The following SLC35F3 variants were observed in gnomAD, a reference collection of about 807,000 sequenced individuals.
SLC35F3 encodes the protein solute carrier family 35 member F3.
SLC35F3 carries 25 observed loss-of-function variants against 49.9 expected under a neutral mutation model. That is an observed-to-expected ratio of 0.50 (90% CI 0.37 to 0.70). The LOEUF (loss-of-function observed/expected upper bound fraction) is 0.70, where lower values mean the gene tolerates loss of function less well. Ranked by LOEUF, SLC35F3 falls within the 30% of genes least tolerant of loss-of-function variation. The probability of loss-of-function intolerance (pLI) is 0.00; values close to 1 mark genes in which losing one functional copy is unlikely to be tolerated. For missense variants in SLC35F3, 525 were observed against 639.8 expected (o/e 0.82, Z 1.94); for synonymous variants, 275 against 265.4 (o/e 1.04, Z -0.35).
chr1:234,159,383 C>G (rs1431791464), intron 2 of SLC35F3, among the ~76,000 whole-genome samples: 1 of 151,994 alleles, frequency 6.6e-6, no homozygotes, highest in African/African-American at 2.4e-5. Context: ...TTGAGACCAG[C>G]CTGGCCAACA....
chr1:233,967,128 T>C (rs1008126195), intron 2 of SLC35F3, among the ~76,000 whole-genome samples: 1 of 152,228 alleles, frequency 6.6e-6, no homozygotes, highest in Non-Finnish European at 1.5e-5. Flanking sequence ...AAATATTGCT[T>C]GGGACATACT....
intron 3 of SLC35F3, among the ~76,000 whole-genome samples, chr1:234,284,821 A>G (rs1268463567): frequency 6.6e-6 from 1 of 152,202 alleles, no homozygotes; most frequent in Non-Finnish European, 1.5e-5. Flanking sequence ...TTGTAGAGAA[A>G]GGAGAGCAGA....
intron 2 of SLC35F3, among the ~76,000 whole-genome samples, chr1:234,166,008 A>G (rs1350060967): frequency 6.6e-6 from 1 of 152,142 alleles, no homozygotes; most frequent in Non-Finnish European, 1.5e-5. Flanking sequence ...GTTCCGTCCA[A>G]GTTGATGCAA....
intron 2 of SLC35F3, among the ~76,000 whole-genome samples, chr1:233,913,578 GCA>G (rs1661919616): frequency 6.6e-6 from 1 of 152,184 alleles, no homozygotes; most frequent in Admixed American, 6.5e-5. Context: ...CTTCCACAGT[GCA>G]CAGAGTATCT....
At chr1:234,172,149 CCTT>C (rs1314277696) in intron 2 of SLC35F3, among the ~76,000 whole-genome samples, 3 of 152,220 alleles carry the variant, frequency 2.0e-5, no homozygotes, top group Non-Finnish European at 4.4e-5. Flanking sequence ...CCCCACCTAA[CCTT>C]CTAGCTAGTC....
chr1:234,143,562 G>A (rs115159814), intron 2 of SLC35F3, among the ~76,000 whole-genome samples: 5,385 of 152,084 alleles, frequency 0.035, 311 homozygotes, highest in African/African-American at 0.12. Flanking sequence ...GGACTGCTGG[G>A]ATTACAGACA....
chr1:234,042,920 ACTT>A (rs1460190337), intron 2 of SLC35F3, among the ~76,000 whole-genome samples: 1 of 152,018 alleles, frequency 6.6e-6, no homozygotes, highest in Non-Finnish European at 1.5e-5. Context: ...CCCATTGAAA[ACTT>A]CTTAACTGTT....
chr1:234,142,116 G>A (rs1204069974), intron 2 of SLC35F3, among the ~76,000 whole-genome samples: 4 of 152,214 alleles, frequency 2.6e-5, no homozygotes, highest in Non-Finnish European at 5.9e-5. Context: ...CTAGAAGGCA[G>A]AGTAAAGAGA....
intron 2 of SLC35F3, among the ~76,000 whole-genome samples, chr1:233,978,527 C>T (rs746776897): frequency 9.9e-5 from 15 of 152,178 alleles, no homozygotes; most frequent in Non-Finnish European, 2.1e-4. Flanking sequence ...TGACAATAAA[C>T]AGCTGAAGTC....
At chr1:234,104,170 T>C (rs755789437) in intron 2 of SLC35F3, among the ~76,000 whole-genome samples, 14 of 152,224 alleles carry the variant, frequency 9.2e-5, no homozygotes, top group Non-Finnish European at 1.8e-4. Flanking sequence ...GAAGAAACCT[T>C]ATCCTAGGCT....
chr1:234,316,357 C>T (rs766829771), intron 4 of SLC35F3, among the ~76,000 whole-genome samples: 2 of 152,228 alleles, frequency 1.3e-5, no homozygotes, highest in Non-Finnish European at 2.9e-5. Flanking sequence ...CACCCATTCC[C>T]TGCTGCCAGC....
At chr1:233,932,638 A>G (rs974230330) in intron 2 of SLC35F3, among the ~76,000 whole-genome samples, 1 of 152,198 alleles carries the variant, frequency 6.6e-6, no homozygotes, top group Admixed American at 6.5e-5. Context: ...ACCACAATTT[A>G]AAAATCTCTT....
At chr1:234,232,519 CAAAAAAAAAAAAAAAAAAAAAG>C (rs1335260031) in intron 3 of SLC35F3, among the ~76,000 whole-genome samples, 4 of 72,366 alleles carry the variant, frequency 5.5e-5, no homozygotes, top group African/African-American at 2.2e-4. Context: ...CAGGCCTAGT[CAAAAAAAAAAAAAAAAAAAAAG>C]AAAAAGAAAA....
chr1:234,237,036 G>A (rs114302773), intron 3 of SLC35F3, among the ~76,000 whole-genome samples: 1,897 of 148,726 alleles, frequency 0.013, 43 homozygotes, highest in African/African-American at 0.045. Flanking sequence ...GGGCACAGTA[G>A]ATCTTGGGAC....
intron 2 of SLC35F3, among the ~76,000 whole-genome samples, chr1:234,216,574 C>A (rs569253390): frequency 6.6e-6 from 1 of 152,334 alleles, no homozygotes; most frequent in South Asian, 2.1e-4. Context: ...GTCTCCTGCA[C>A]CTGCTAACGC....
intron 2 of SLC35F3, among the ~76,000 whole-genome samples, chr1:234,206,172 A>G (rs1294311523): frequency 6.6e-6 from 1 of 152,118 alleles, no homozygotes; most frequent in African/African-American, 2.4e-5. Context: ...TACATGGAAA[A>G]CACTGCAGAG....
intron 2 of SLC35F3, among the ~76,000 whole-genome samples, chr1:234,011,375 A>T (rs1442219793): frequency 6.6e-5 from 10 of 152,308 alleles, no homozygotes; most frequent in Non-Finnish European, 4.4e-5. Context: ...CATTTGTATA[A>T]TTATTGTATG....
chr1:234,125,123 C>A (rs949783214), intron 2 of SLC35F3, among the ~76,000 whole-genome samples: 1 of 152,082 alleles, frequency 6.6e-6, no homozygotes, highest in Non-Finnish European at 1.5e-5. Context: ...ACCATCCTAT[C>A]CCGCCTCATA....
At chr1:234,066,687 A>G (rs1050225147) in intron 2 of SLC35F3, among the ~76,000 whole-genome samples, 1 of 151,970 alleles carries the variant, frequency 6.6e-6, no homozygotes, top group Non-Finnish European at 1.5e-5. Context: ...AGGGCAAAGA[A>G]TAGAAGCCAA....
Sources: allele counts gnomAD v4.1 joint callset (sites outside exome capture counted in the v4.1 genomes callset), GRCh38; gene constraint gnomAD v4.1.1; transcripts MANE v1.5; gene names NCBI Gene and HGNC (gene_info 2026-07-23, HGNC 2026-07-21).